The following KCNMA1 variants were observed in gnomAD, a reference collection of about 807,000 sequenced individuals.
KCNMA1 encodes Calcium-activated potassium channel subunit alpha-1.
KCNMA1 carries 29 observed loss-of-function variants against 140.0 expected under a neutral mutation model. The ratio of observed to expected loss-of-function variants is 0.21; its 90% confidence interval spans 0.15 to 0.28. The LOEUF is 0.28. KCNMA1 is among the 10% of genes least tolerant of loss of function. The pLI is 1.00. For synonymous variants in KCNMA1, 612 were observed against 611.9 expected, an observed-to-expected ratio of 1.00 and a Z score of 0.00; for missense variants, 880 against 1,602.2, an observed-to-expected ratio of 0.55 and a Z score of 7.70.
chr10:77,428,252 GCAGAGCTGGGGTGA>G (rs1235145444), intron 1 of KCNMA1, among the ~76,000 whole-genome samples: 2 of 152,176 alleles, frequency 1.3e-5, no homozygotes, highest in Non-Finnish European at 2.9e-5. Context: ...TACTGTCAGT[GCAGAGCTGGGGTGA>G]CAGAGCCCCT....
chr10:77,456,357 C>T (rs2097762482), intron 1 of KCNMA1, among the ~76,000 whole-genome samples: 1 of 152,196 alleles, frequency 6.6e-6, no homozygotes, highest in South Asian at 2.1e-4. Flanking sequence ...GGAGAGAAAC[C>T]TTTCCCATCA....
At chr10:77,519,189 T>C (rs1381203954) in intron 1 of KCNMA1, among the ~76,000 whole-genome samples, 1 of 152,240 alleles carries the variant, frequency 6.6e-6, no homozygotes, top group Admixed American at 6.5e-5. Context: ...GCTGACATTT[T>C]CCATGAGTCC....
At chr10:77,499,436 TAC>T (rs10672811) in intron 1 of KCNMA1, among the ~76,000 whole-genome samples, 75 of 142,732 alleles carry the variant, frequency 5.3e-4, no homozygotes, top group East Asian at 8.3e-4. Flanking sequence ...CACACACACA[TAC>T]ACACACACAC....
In KCNMA1 at chr10:77,184,872, T is replaced by C; in HGVS notation, c.647A>G (p.Gln216Arg). 1 of 1,613,200 alleles carries C rather than the reference T, an allele frequency of 6.2e-7. No individual in the cohort carries two copies. Among genetic ancestry groups the C allele is most frequent in the Non-Finnish European group, 8.5e-7 (1 of 1,179,218 alleles). Reference sequence around the variant, plus strand: ...GAACACGTTGAAAGCCATGTCGATCTGTAATGTGAAATCTTTGTAGAAATT... The same window carrying C: ...GAACACGTTGAAAGCCATGTCGATCCGTAATGTGAAATCTTTGTAGAAATT... ...CQNFYKDFTL[Q>R]IDMAFNVFFL... Residue 216 changes from glutamine to arginine, a missense_variant, in exon 4 of 28, where the codon CAG becomes CGG. By Grantham distance (43) the Gln-to-Arg change is conservative. Coordinates refer to ENST00000286628, the MANE Select transcript of KCNMA1 (RefSeq NM_001161352.2).
intron 2 of KCNMA1, among the ~76,000 whole-genome samples, chr10:77,347,477 G>A (rs978825490): frequency 2.0e-5 from 3 of 152,186 alleles, no homozygotes; most frequent in African/African-American, 7.2e-5. Context: ...TCGTGTCTGT[G>A]GGCCCCTGTC....
In KCNMA1 at chr10:77,332,066, CA is replaced by C. The variant is rs1348669550; in HGVS notation, c.540+71795del. On this transcript the variant is annotated intron_variant, in intron 2 of 27. Coordinates refer to ENST00000286628, the MANE Select transcript of KCNMA1 (RefSeq NM_001161352.2). Reference sequence around the variant, plus strand: ...TGAAAATGCAATGAGGAACAAGACACAACCCCTGTTGTTACGAGGGCACAGC... The same window carrying C: ...TGAAAATGCAATGAGGAACAAGACACACCCCTGTTGTTACGAGGGCACAGC... Among the ~76,000 whole-genome samples the C allele has an allele frequency of 2.6e-5, 4 of 152,116 alleles. No homozygotes were observed. The East Asian group carries it at 7.7e-4, about 29-fold the overall frequency.
chr10:77,235,157 G>A (rs1301170937), intron 3 of KCNMA1, among the ~76,000 whole-genome samples: 1 of 152,118 alleles, frequency 6.6e-6, no homozygotes, highest in East Asian at 1.9e-4. Flanking sequence ...CTAAATATTA[G>A]GGCTTGGCCT....
At chr10:77,032,269 C>T (rs1482540584) in intron 15 of KCNMA1, among the ~76,000 whole-genome samples, 2 of 152,186 alleles carry the variant, frequency 1.3e-5, no homozygotes, top group East Asian at 3.8e-4. Context: ...TTACTTGCAT[C>T]ACTCAACACC....
chr10:77,272,327 A>G (rs894611271), intron 2 of KCNMA1, among the ~76,000 whole-genome samples: 12 of 152,208 alleles, frequency 7.9e-5, no homozygotes, highest in Admixed American at 2.0e-4. Context: ...CTTAAAGTAT[A>G]GGTTCCTATT....
intron 1 of KCNMA1, 88 bp from the exon 2 acceptor site, chr10:77,404,111 G>T (rs1373025786): frequency 1.5e-6 from 2 of 1,325,588 alleles, no homozygotes; most frequent in African/African-American, 1.4e-5. Flanking sequence ...AGCCAGAAGG[G>T]GTCCCCAGCT....
At chr10:77,079,353 C>T (rs1408233464) in intron 13 of KCNMA1, 128 bp downstream of exon 13, 1 of 708,176 alleles carries the variant, frequency 1.4e-6, no homozygotes, top group Non-Finnish European at 2.6e-6. Context: ...GAGTTGCGCA[C>T]ATGTGGGCAT....
At chr10:77,294,558 G>A (rs2074342070) in intron 2 of KCNMA1, among the ~76,000 whole-genome samples, 1 of 152,226 alleles carries the variant, frequency 6.6e-6, no homozygotes, top group African/African-American at 2.4e-5. Context: ...TGGCACATGT[G>A]TGCAAAGACC....
chr10:77,187,027 T>C (rs2098869433), intron 3 of KCNMA1, among the ~76,000 whole-genome samples: 2 of 152,108 alleles, frequency 1.3e-5, no homozygotes, highest in Admixed American at 6.6e-5. Context: ...GGCCAAAACC[T>C]TACAGTTGCC....
At chr10:76,879,476 CT>C (rs777213184) in intron 29 of KCNMA1, among the ~76,000 whole-genome samples, 1 of 148,670 alleles carries the variant, frequency 6.7e-6, no homozygotes, top group Non-Finnish European at 1.5e-5. Context: ...ATTATTCCCC[CT>C]GACAGAATGA....
chr10:76,902,380 T>C (rs944316133), intron 25 of KCNMA1: 2 of 152,212 alleles, frequency 1.3e-5, no homozygotes, highest in African/African-American at 2.4e-5. Flanking sequence ...TTCTGTGCCT[T>C]ACCATGATAC....
chr10:76,915,667 T>C (rs987049138), intron 23 of KCNMA1, among the ~76,000 whole-genome samples: 1 of 152,114 alleles, frequency 6.6e-6, no homozygotes, highest in Non-Finnish European at 1.5e-5. Flanking sequence ...CTGGCCTGAC[T>C]GTTACCGTAA....
intron 1 of KCNMA1, chr10:77,635,099 C>A (rs2093614348): frequency 6.6e-6 from 1 of 152,224 alleles, no homozygotes; most frequent in Non-Finnish European, 1.5e-5. Context: ...CTCAGCAGGT[C>A]TTGGGGCTAC....
rs1358708433 is a variant in KCNMA1 at position 76,899,161 on chromosome 10, A to G, written c.3148-7442T>C. 2.6e-5 allele frequency among the ~76,000 whole-genome samples: 4 copies of G among 152,128 alleles called. No individual in the cohort carries two copies. The East Asian group carries it at 7.7e-4, about 29-fold the overall frequency. ...CAGAGGAGAGTATTAGGAAAAAAGG[A>G]AAATTCCATGTTCCTTAACATGTAA... On this transcript the variant is annotated intron_variant, in intron 25 of 27. Coordinates refer to ENST00000286628, the MANE Select transcript of KCNMA1 (RefSeq NM_001161352.2).
chr10:77,355,210 TC>T (rs2093366481), intron 2 of KCNMA1: 3 of 159,020 alleles, frequency 1.9e-5, no homozygotes, highest in Non-Finnish European at 4.1e-5. Context: ...TTCTGAGGCC[TC>T]CCCAGCCATG....
Sources: gnomAD v4.1 joint callset for allele counts (sites outside exome capture counted in the v4.1 genomes callset) on GRCh38, gnomAD v4.1.1 for gene constraint, MANE v1.5 for transcripts, NCBI Gene and HGNC (gene_info 2026-07-23, HGNC 2026-07-21) for gene names.